LRRC7: variants seen among roughly 807,000 people sequenced by gnomAD.
The protein encoded by LRRC7 is leucine rich repeat containing 7, also known as leucine-rich repeat-containing protein 7.
LRRC7 carries 23 observed loss-of-function variants against 175.7 expected under a neutral mutation model. That is an observed-to-expected ratio of 0.13 (90% CI 0.09 to 0.19). The LOEUF is 0.19. Among genes scored for constraint, LRRC7 ranks in the 10% least tolerant of loss-of-function variants. The pLI is 1.00. For synonymous variants in LRRC7, 685 were observed against 680.9 expected (o/e 1.01, Z -0.09); for missense variants, 1,354 against 1,904.7 (o/e 0.71, Z 5.38).
intron 26 of LRRC7, among the ~76,000 whole-genome samples, chr1:70,117,550 T>G (rs531270459): frequency 6.6e-6 from 1 of 152,260 alleles, no homozygotes; most frequent in South Asian, 2.1e-4. Flanking sequence ...TAAAAAACAT[T>G]TTGTGGCACA....
intron 23 of LRRC7, among the ~76,000 whole-genome samples, chr1:70,065,745 G>C (rs1435753694): frequency 6.6e-6 from 1 of 151,954 alleles, no homozygotes; most frequent in Non-Finnish European, 1.5e-5. Context: ...AGAGTAAGTA[G>C]TATCATCTTG....
At chr1:69,916,167 A>G (rs1325829621) in intron 7 of LRRC7, among the ~76,000 whole-genome samples, 2 of 142,048 alleles carry the variant, frequency 1.4e-5, no homozygotes, top group Non-Finnish European at 3.0e-5. Context: ...CATATTTTAT[A>G]TATATAATAT....
chr1:70,023,090 C>A, intron 16 of LRRC7, 36 bp from the exon 17 acceptor site: 1 of 1,397,806 alleles, frequency 7.2e-7, no homozygotes, highest in Non-Finnish European at 9.4e-7. Flanking sequence ...CAGTGCTCCT[C>A]TTTCTCCCAG....
Position 70,138,529 on chromosome 1 carries a change from A to G in LRRC7, c.*16642A>G, listed in dbSNP as rs1483239923. 3 of 152,226 alleles carry G rather than the reference A, an allele frequency of 2.0e-5. No individual in the cohort carries two copies. In the East Asian group the frequency reaches 5.8e-4, roughly 29 times the overall value. 9.4% of individuals were successfully genotyped at this position (152,226 alleles called of 1,614,324 possible). ...TAAACTAAGGAAAACTACAGAAGTT[A>G]TGTCTATTAACTCTTTAAGGTACAT... On this transcript the variant is annotated 3_prime_UTR_variant, in exon 27 of 27. Transcript: ENST00000651989.
At chr1:69,853,266 C>CTT (rs1683190382) in intron 7 of LRRC7, among the ~76,000 whole-genome samples, 2 of 103,798 alleles carry the variant, frequency 1.9e-5, no homozygotes, top group African/African-American at 7.4e-5. Flanking sequence ...TTTTTCCTTT[C>CTT]TTTCTTTTTT....
At chr1:69,844,477 TAGC>T (rs1403088618) in intron 7 of LRRC7, among the ~76,000 whole-genome samples, 1 of 152,190 alleles carries the variant, frequency 6.6e-6, no homozygotes, top group Non-Finnish European at 1.5e-5. Context: ...CTATGCCACT[TAGC>T]AGATTCACCC....
At chr1:69,623,037 A>G (rs1351968619) in intron 1 of LRRC7, among the ~76,000 whole-genome samples, 1 of 152,124 alleles carries the variant, frequency 6.6e-6, no homozygotes, top group African/African-American at 2.4e-5. Flanking sequence ...ATCCCTGTAA[A>G]TCAGAGTTCA....
At chr1:69,625,481 A>T (rs1020493247) in intron 1 of LRRC7, among the ~76,000 whole-genome samples, 1 of 143,686 alleles carries the variant, frequency 7.0e-6, no homozygotes, top group African/African-American at 2.6e-5. Context: ...AATTTATTCT[A>T]TTAAGTTTAC....
intron 24 of LRRC7, among the ~76,000 whole-genome samples, chr1:70,077,950 T>G (rs1171338232): frequency 6.6e-6 from 1 of 152,222 alleles, no homozygotes; most frequent in African/African-American, 2.4e-5. Flanking sequence ...ATTGTAGAAC[T>G]GCCTATATGT....
chr1:69,601,406 T>C (rs1191998525), intron 1 of LRRC7, among the ~76,000 whole-genome samples: 1 of 152,156 alleles, frequency 6.6e-6, no homozygotes, highest in Admixed American at 6.5e-5. Flanking sequence ...CGTCCAACAG[T>C]AAGAAAACTG....
intron 7 of LRRC7, chr1:69,839,120 C>A: frequency 8.6e-6 from 2 of 233,062 alleles, no homozygotes; most frequent in South Asian, 4.3e-5. Flanking sequence ...GATTCATCTG[C>A]TGAACCAAAA....
rs151335749 is a variant in LRRC7, at chr1:69,953,686, A to G, written c.711+22116A>G. Among the ~76,000 whole-genome samples the G allele has an allele frequency of 5.2e-3, 797 of 152,122 alleles. 6 individuals are homozygous for G. Among genetic ancestry groups the G allele is most frequent in the African/African-American group, 0.018 (729 of 41,518 alleles). On this transcript the variant is annotated intron_variant, in intron 8 of 26. Coordinates refer to ENST00000651989, the MANE Select transcript of LRRC7 (RefSeq NM_001370785.2). ...AATATATCTGTATTGGGATTAACCA[A>G]CTGCACTAACTAGGATGGGAGCTTC... is the stretch of plus-strand genomic sequence containing the variant.
At chr1:69,697,903 A>G (rs1206109511) in intron 2 of LRRC7, among the ~76,000 whole-genome samples, 7 of 152,234 alleles carry the variant, frequency 4.6e-5, no homozygotes, top group African/African-American at 1.7e-4. Context: ...TTACTGCTGT[A>G]CAACTGAGGC....
chr1:69,923,090 A>G (rs1220160106), intron 7 of LRRC7, among the ~76,000 whole-genome samples: 2 of 151,984 alleles, frequency 1.3e-5, no homozygotes. Context: ...TCCTTGCGAT[A>G]GTTTATTGAG....
At chr1:69,741,277 G>A (rs1446513167) in intron 2 of LRRC7, among the ~76,000 whole-genome samples, 3 of 151,882 alleles carry the variant, frequency 2.0e-5, no homozygotes, top group Admixed American at 2.0e-4. Flanking sequence ...ATGGCATGGA[G>A]CATTCCTATA....
chr1:69,853,578 A>G (rs1683263229), intron 7 of LRRC7, among the ~76,000 whole-genome samples: 1 of 151,778 alleles, frequency 6.6e-6, no homozygotes, highest in African/African-American at 2.4e-5. Context: ...CACCCTGCCC[A>G]TTTGTTCCTC....
intron 21 of LRRC7, among the ~76,000 whole-genome samples, chr1:70,043,703 T>A (rs559049355): frequency 6.6e-6 from 1 of 152,286 alleles, no homozygotes; most frequent in East Asian, 1.9e-4. Context: ...TGACGTTGAG[T>A]TAGCAGCAGA....
intron 7 of LRRC7, among the ~76,000 whole-genome samples, chr1:69,851,101 G>A (rs1338167201): frequency 3.9e-5 from 6 of 151,974 alleles, no homozygotes; most frequent in Non-Finnish European, 8.8e-5. Flanking sequence ...TGAGAGGGAG[G>A]AGTCAATTGT....
At chr1:69,710,360 C>T (rs548121132) in intron 2 of LRRC7, among the ~76,000 whole-genome samples, 1 of 151,942 alleles carries the variant, frequency 6.6e-6, no homozygotes, top group Admixed American at 6.6e-5. Context: ...AACAGTGGCC[C>T]AGTTTAGCTC....
Sources: allele counts gnomAD v4.1 joint callset (sites outside exome capture counted in the v4.1 genomes callset), GRCh38; gene constraint gnomAD v4.1.1; transcripts MANE v1.5; gene names NCBI Gene and HGNC (gene_info 2026-07-23, HGNC 2026-07-21).